The following UNC5D variants were observed in gnomAD, a reference collection of about 807,000 sequenced individuals.
UNC5D encodes unc-5 netrin receptor D, also known as netrin receptor UNC5D.
In UNC5D, 39 loss-of-function variants were observed where a neutral mutation model predicts 105.4. The observed-to-expected ratio is 0.37, with a 90% CI of 0.29 to 0.48. The LOEUF (loss-of-function observed/expected upper bound fraction) is 0.48, where lower values mean the gene tolerates loss of function less well. Among genes scored for constraint, UNC5D ranks in the 20% least tolerant of loss-of-function variants. The probability of loss-of-function intolerance (pLI) is 0.98; values close to 1 mark genes in which losing one functional copy is unlikely to be tolerated. For synonymous variants in UNC5D, 452 were observed against 450.4 expected (o/e 1.00, Z -0.04); for missense variants, 991 against 1,202.4 (o/e 0.82, Z 2.60).
intron 1 of UNC5D, among the ~76,000 whole-genome samples, chr8:35,380,723 AC>A (rs1802994053): frequency 6.6e-6 from 1 of 152,192 alleles, no homozygotes; most frequent in South Asian, 2.1e-4. Flanking sequence ...TCTGGATGTT[AC>A]ACAATTAGGA....
At chr8:35,458,693 A>G (rs1808664104) in intron 1 of UNC5D, among the ~76,000 whole-genome samples, 1 of 152,178 alleles carries the variant, frequency 6.6e-6, no homozygotes, top group South Asian at 2.1e-4. Context: ...GTGGATATCA[A>G]TGAAACAAAA....
intron 2 of UNC5D, among the ~76,000 whole-genome samples, chr8:35,550,963 A>G (rs1292900314): frequency 6.6e-6 from 1 of 152,222 alleles, no homozygotes; most frequent in East Asian, 1.9e-4. Flanking sequence ...TATGTACAAG[A>G]ATAGCAGCCA....
chr8:35,721,552 CAG>C, intron 8 of UNC5D: 1 of 702,216 alleles, frequency 1.4e-6, no homozygotes, highest in Non-Finnish European at 2.6e-6. Flanking sequence ...TAATTGGTGT[CAG>C]AAAACATCTG....
rs1031235279 is a variant in UNC5D at position 35,246,706 on chromosome 8, C to A, written c.103+10819C>A. ...AACTCACAAGATATGGCACTCGGCCCTCCAGTTTGTCTCAAATCAATGACT... is the reference window on the plus strand; with the variant it reads ...AACTCACAAGATATGGCACTCGGCCATCCAGTTTGTCTCAAATCAATGACT... On this transcript the variant is annotated intron_variant, in intron 1 of 16. Transcript: ENST00000404895. Among the ~76,000 whole-genome samples the A allele has an allele frequency of 1.1e-4, 16 of 152,222 alleles. 1 individual carries two copies. The highest frequency in any genetic ancestry group is 3.1e-4 in the African/African-American group (13 of 41,550).
intron 4 of UNC5D, among the ~76,000 whole-genome samples, chr8:35,657,074 GTGTGTGTATATATATATATA>G (rs1329720861): frequency 3.1e-5 from 3 of 96,594 alleles, no homozygotes; most frequent in Admixed American, 1.1e-4. Context: ...GTGTGTGTGT[GTGTGTGTATATATATATATA>G]TATATATATA....
intron 1 of UNC5D, among the ~76,000 whole-genome samples, chr8:35,392,517 C>A (rs1042807679): frequency 6.6e-6 from 1 of 152,218 alleles, no homozygotes; most frequent in African/African-American, 2.4e-5. Flanking sequence ...CCATGCCTGG[C>A]CCCTCCCTCT....
chr8:35,778,253 GAGA>G (rs1209559715), intron 16 of UNC5D, among the ~76,000 whole-genome samples: 1 of 152,132 alleles, frequency 6.6e-6, no homozygotes, highest in South Asian at 2.1e-4. Context: ...AAAATACTTG[GAGA>G]AGAAGAATAG....
intron 1 of UNC5D, among the ~76,000 whole-genome samples, chr8:35,405,101 G>A (rs1258061926): frequency 3.3e-5 from 5 of 152,120 alleles, no homozygotes; most frequent in Non-Finnish European, 7.4e-5. Flanking sequence ...CAATATGTGA[G>A]CAAAGAGCTG....
At chr8:35,437,263 A>G (rs1287087732) in intron 1 of UNC5D, among the ~76,000 whole-genome samples, 2 of 152,108 alleles carry the variant, frequency 1.3e-5, no homozygotes, top group Non-Finnish European at 2.9e-5. Flanking sequence ...CCTGAAAACC[A>G]TCATATTATG....
chr8:35,501,515 C>G (rs1811972635), intron 1 of UNC5D, among the ~76,000 whole-genome samples: 1 of 152,158 alleles, frequency 6.6e-6, no homozygotes, highest in South Asian at 2.1e-4. Context: ...TCAAGTCACC[C>G]ACAGTCAAAG....
intron 1 of UNC5D, among the ~76,000 whole-genome samples, chr8:35,260,152 T>C (rs996746260): frequency 3.9e-5 from 6 of 152,106 alleles, no homozygotes; most frequent in Admixed American, 1.3e-4. Context: ...GTGACAGGTA[T>C]AGTTATGTCT....
At chr8:35,496,039 T>G (rs1811568614) in intron 1 of UNC5D, among the ~76,000 whole-genome samples, 1 of 152,196 alleles carries the variant, frequency 6.6e-6, no homozygotes, top group Non-Finnish European at 1.5e-5. Flanking sequence ...AAACTGGAAT[T>G]CGGTTTTAGA....
At chr8:35,734,484 C>T (rs990061709) in intron 11 of UNC5D, among the ~76,000 whole-genome samples, 3 of 151,972 alleles carry the variant, frequency 2.0e-5, no homozygotes, top group African/African-American at 7.3e-5. Context: ...GATCTCGACT[C>T]ACTGCAACCT....
Position 35,367,003 on chromosome 8 carries a change from T to C in UNC5D, c.103+131116T>C, listed in dbSNP as rs574432961. Among the ~76,000 whole-genome samples the C allele has an allele frequency of 3.2e-4, 48 of 152,326 alleles. No homozygotes were observed. The Middle Eastern group carries it at 0.01, about 32-fold the overall frequency. On this transcript the variant is annotated intron_variant, in intron 1 of 16. Coordinates refer to ENST00000404895, the MANE Select transcript of UNC5D (RefSeq NM_080872.4). ...ATGTAACAATTTGACATGACTCTAGTGGTTCTAATTTAGTTAACAGAAGTA... is the reference window on the plus strand; with the variant it reads ...ATGTAACAATTTGACATGACTCTAGCGGTTCTAATTTAGTTAACAGAAGTA...
chr8:35,275,066 G>A (rs894065572), intron 1 of UNC5D, among the ~76,000 whole-genome samples: 9 of 151,576 alleles, frequency 5.9e-5, no homozygotes, highest in Non-Finnish European at 7.4e-5. Flanking sequence ...ACTCTGGCCT[G>A]GGTGACAGAG....
chr8:35,493,795 T>C lies in UNC5D; in HGVS notation c.104-55497T>C, dbSNP rs142632563. On this transcript the variant is annotated intron_variant, in intron 1 of 16. Coordinates refer to ENST00000404895, the MANE Select transcript of UNC5D (RefSeq NM_080872.4). ...TCAATGGAGACTTTCTTTTCTTTCT[T>C]TAATACTCTATTCTCCGTATTTCCA... 2.0e-5 allele frequency among the ~76,000 whole-genome samples: 3 copies of C among 152,254 alleles called. No individual in the cohort carries two copies. The East Asian group carries it at 5.8e-4, about 29-fold the overall frequency.
intron 1 of UNC5D, among the ~76,000 whole-genome samples, chr8:35,267,150 C>T (rs1231381628): frequency 6.7e-6 from 1 of 149,150 alleles, no homozygotes; most frequent in East Asian, 2.0e-4. Flanking sequence ...CCACTGTAAG[C>T]AATAAATAAA....
intron 1 of UNC5D, among the ~76,000 whole-genome samples, chr8:35,378,072 A>G (rs1221114031): frequency 6.6e-6 from 1 of 152,014 alleles, no homozygotes; most frequent in Non-Finnish European, 1.5e-5. Flanking sequence ...GGTCACTCAC[A>G]TGCCGTCACT....
Position 35,792,038 on chromosome 8 carries a change from A to G in UNC5D, c.*1475A>G, listed in dbSNP as rs1803068048. 1 of 152,178 alleles carries G rather than the reference A, an allele frequency of 6.6e-6. No individual in the cohort carries two copies. The highest frequency in any genetic ancestry group is 2.4e-5 in the African/African-American group (1 of 41,446). 9.4% of individuals were successfully genotyped at this position (152,178 alleles called of 1,614,324 possible). A position where few individuals can be genotyped will look rare whatever the true frequency, so the allele number is the denominator to read the frequency against. On this transcript the variant is annotated 3_prime_UTR_variant, in exon 17 of 17. Transcript: ENST00000404895. ...TGCTATTCACAATCAGGACAACCAA[A>G]GTCAAGGACCCAGATGAACCACAAG... is the stretch of plus-strand genomic sequence containing the variant.
Sources: allele counts gnomAD v4.1 joint callset (sites outside exome capture counted in the v4.1 genomes callset), GRCh38; gene constraint gnomAD v4.1.1; transcripts MANE v1.5; gene names NCBI Gene and HGNC (gene_info 2026-07-23, HGNC 2026-07-21).